Variants in IGSF21 observed in about 807,000 individuals in gnomAD.
IGSF21 encodes the protein immunoglobin superfamily member 21.
In IGSF21, 28 loss-of-function variants were observed where a neutral mutation model predicts 46.8. That is an observed-to-expected ratio of 0.60 (90% CI 0.44 to 0.82). The LOEUF is 0.82. Among genes scored for constraint, IGSF21 ranks in the 40% least tolerant of loss-of-function variants. The pLI is 0.00. For missense variants in IGSF21, 624 were observed against 665.5 expected, an observed-to-expected ratio of 0.94 and a Z score of 0.69; for synonymous variants, 284 against 273.6, an observed-to-expected ratio of 1.04 and a Z score of -0.38.
intron 1 of IGSF21, among the ~76,000 whole-genome samples, chr1:18,203,020 G>A (rs929180045): frequency 6.6e-6 from 1 of 152,158 alleles, no homozygotes; most frequent in Non-Finnish European, 1.5e-5. Flanking sequence ...GTTGGGAGTG[G>A]CCAGGCTGCA....
At position 18,240,728 on chromosome 1, in the gene IGSF21, G is replaced by A. The variant is rs947600630; in HGVS notation, c.183+12718G>A. On this transcript the variant is annotated intron_variant, in intron 2 of 9. Transcript: ENST00000251296. ...GTTGGAGCTTTTCAACCATGGATGG[G>A]CTGTCTTAAGGACTGGTGGACTTCC... Among the ~76,000 whole-genome samples, 8 of 152,210 alleles carry A rather than the reference G, an allele frequency of 5.3e-5. No homozygotes were observed. The East Asian group carries it at 1.5e-3, about 29-fold the overall frequency.
intron 1 of IGSF21, among the ~76,000 whole-genome samples, chr1:18,196,728 G>A (rs539499678): frequency 6.6e-6 from 1 of 152,340 alleles, no homozygotes; most frequent in South Asian, 2.1e-4. Context: ...AAGCAGGGAA[G>A]TGACTTGCCC....
rs147602604 is a variant in IGSF21, at chr1:18,138,866, C to A, written c.70+30668C>A. Among the ~76,000 whole-genome samples, 190 of 152,314 alleles carry A rather than the reference C, an allele frequency of 1.2e-3. 1 individual carries two copies. Among genetic ancestry groups the A allele is most frequent in the African/African-American group, 3.9e-3 (163 of 41,578 alleles). On this transcript the variant is annotated intron_variant, in intron 1 of 9. Coordinates refer to ENST00000251296, the MANE Select transcript of IGSF21 (RefSeq NM_032880.5). ...ATGTCTTGTCAATGGACATTATTGT[C>A]CTCTTTTTACAGATGAGGAAACTGA...
rs1183436927 is a variant in IGSF21, at chr1:18,314,397, T to C, written c.306-20495T>C. Among the ~76,000 whole-genome samples, 3 of 151,932 alleles carry C rather than the reference T, an allele frequency of 2.0e-5. No homozygotes were observed. The South Asian group carries it at 6.3e-4, about 32-fold the overall frequency. On this transcript the variant is annotated intron_variant, in intron 3 of 9. Transcript: ENST00000251296. ...TTCCAGCTTTAGAGATTTGACTCAC[T>C]CCCCTGAGGTTAGCGGAGGTCGCCC...
chr1:18,202,751 C>T (rs2087089541), intron 1 of IGSF21, among the ~76,000 whole-genome samples: 2 of 152,208 alleles, frequency 1.3e-5, no homozygotes, highest in Non-Finnish European at 1.5e-5. Context: ...TGAGATGAGA[C>T]TTGGGTGGGG....
chr1:18,285,608 C>T (rs2085205551), intron 2 of IGSF21, among the ~76,000 whole-genome samples: 1 of 152,162 alleles, frequency 6.6e-6, no homozygotes, highest in Non-Finnish European at 1.5e-5. Flanking sequence ...ACCTAGCTCT[C>T]TGCCTCTCAG....
At position 18,274,982 on chromosome 1, in the gene IGSF21, G is replaced by A. The variant is rs184915468; in HGVS notation, c.184-16884G>A. On this transcript the variant is annotated intron_variant, in intron 2 of 9. Transcript: ENST00000251296. ...ACAGAGGTTGTAGTAAGCCGAAATCGCGCCACTGCACTCCAGCCTGGGTGA... is the reference window on the plus strand; with the variant it reads ...ACAGAGGTTGTAGTAAGCCGAAATCACGCCACTGCACTCCAGCCTGGGTGA... 7.8e-4 allele frequency among the ~76,000 whole-genome samples: 119 copies of A among 152,146 alleles called. No individual in the cohort carries two copies. In the South Asian group the frequency reaches 0.012, roughly 16 times the overall value.
chr1:18,223,175 C>T (rs1193790027), intron 1 of IGSF21, among the ~76,000 whole-genome samples: 1 of 152,254 alleles, frequency 6.6e-6, no homozygotes. Context: ...CCATCTCTCA[C>T]GTGAGCCTGG....
At chr1:18,242,413 A>G (rs920209393) in intron 2 of IGSF21, among the ~76,000 whole-genome samples, 10 of 152,306 alleles carry the variant, frequency 6.6e-5, no homozygotes, top group Admixed American at 5.9e-4. Flanking sequence ...AATGAGAGGG[A>G]TGGCTTCTGA....
chr1:18,211,651 A>G lies in IGSF21; in HGVS notation c.71-16247A>G, dbSNP rs552123108. ...AGGCATTATTATTTAATGTAGGCCT[A>G]TTTTAAATTGTAATTTTTTTCATTA... On this transcript the variant is annotated intron_variant, in intron 1 of 9. Coordinates refer to ENST00000251296, the MANE Select transcript of IGSF21 (RefSeq NM_032880.5). Among the ~76,000 whole-genome samples the G allele has an allele frequency of 3.3e-5, 5 of 152,330 alleles. No homozygotes were observed. The East Asian group carries it at 9.6e-4, about 29-fold the overall frequency.
At chr1:18,307,270 C>T (rs1382210888) in intron 3 of IGSF21, among the ~76,000 whole-genome samples, 3 of 152,164 alleles carry the variant, frequency 2.0e-5, no homozygotes, top group Non-Finnish European at 4.4e-5. Flanking sequence ...CTTTCGAACA[C>T]TTTAATTTAA....
At chr1:18,218,224 G>A (rs1395114333) in intron 1 of IGSF21, among the ~76,000 whole-genome samples, 1 of 152,220 alleles carries the variant, frequency 6.6e-6, no homozygotes, top group African/African-American at 2.4e-5. Flanking sequence ...CATGGCTGGA[G>A]CAGGAGAAAG....
At chr1:18,292,993 G>A (rs1046401171) in intron 3 of IGSF21, among the ~76,000 whole-genome samples, 4 of 152,224 alleles carry the variant, frequency 2.6e-5, no homozygotes, top group Admixed American at 2.0e-4. Flanking sequence ...ATCGGGTACC[G>A]TGAGGGGGAC....
Position 18,308,698 on chromosome 1 carries a change from C to T in IGSF21, c.305+16711C>T, listed in dbSNP as rs538309924. On this transcript the variant is annotated intron_variant, in intron 3 of 9. Transcript: ENST00000251296. Reference sequence around the variant, plus strand: ...TGCCCGGGCTTCCTCCACTTCTGACCTCCCCCAGGAGACTCAGACATGCAG... The same window carrying T: ...TGCCCGGGCTTCCTCCACTTCTGACTTCCCCCAGGAGACTCAGACATGCAG... Among the ~76,000 whole-genome samples the T allele has an allele frequency of 2.0e-5, 3 of 152,264 alleles. No homozygotes were observed. In the South Asian group the frequency reaches 6.2e-4, roughly 32 times the overall value.
At chr1:18,186,135 C>T (rs921850) in intron 1 of IGSF21, among the ~76,000 whole-genome samples, 9,780 of 152,162 alleles carry the variant, frequency 0.064, 408 homozygotes, top group South Asian at 0.11. Context: ...TCCCTGTCCC[C>T]CAGACACTTG....
chr1:18,344,628 G>T (rs1461362669), intron 4 of IGSF21, among the ~76,000 whole-genome samples: 1 of 152,042 alleles, frequency 6.6e-6, no homozygotes, highest in Non-Finnish European at 1.5e-5. Flanking sequence ...GGGAAGTGGG[G>T]CTTCTTCCAA....
intron 2 of IGSF21, among the ~76,000 whole-genome samples, chr1:18,234,638 G>A (rs767776801): frequency 2.6e-5 from 4 of 152,124 alleles, no homozygotes; most frequent in Non-Finnish European, 4.4e-5. Context: ...CATGGTGGCA[G>A]GGAGAAGTGC....
chr1:18,213,909 G>A (rs2084417858), intron 1 of IGSF21, among the ~76,000 whole-genome samples: 1 of 152,070 alleles, frequency 6.6e-6, no homozygotes, highest in African/African-American at 2.4e-5. Flanking sequence ...AAAGGCCTGA[G>A]GACTGACTGA....
chr1:18,367,135 C>T (rs77778721), intron 6 of IGSF21, among the ~76,000 whole-genome samples: 1,862 of 152,274 alleles, frequency 0.012, 38 homozygotes, highest in African/African-American at 0.042. Context: ...CAGCCTCTAA[C>T]CCAGGCCACT....
Sources: allele counts gnomAD v4.1 joint callset (sites outside exome capture counted in the v4.1 genomes callset), GRCh38; gene constraint gnomAD v4.1.1; transcripts MANE v1.5; gene names NCBI Gene and HGNC (gene_info 2026-07-23, HGNC 2026-07-21).